The following ABCC2 variants were observed in gnomAD, a reference collection of about 807,000 sequenced individuals.
ABCC2 encodes ATP-binding cassette sub-family C member 2.
A neutral mutation model predicts 173.4 loss-of-function variants in ABCC2; 157 were observed. The observed-to-expected ratio is 0.91, with a 90% CI of 0.80 to 1.03. ABCC2 has a LOEUF of 1.03. ABCC2 is among the 50% of genes least tolerant of loss of function. The pLI, the probability that ABCC2 is intolerant of heterozygous loss-of-function variation, is 0.00. For synonymous variants in ABCC2, 657 were observed against 693.5 expected, an observed-to-expected ratio of 0.95 and a Z score of 0.83; for missense variants, 1,822 against 1,852.3, an observed-to-expected ratio of 0.98 and a Z score of 0.30.
chr10:99,826,929 TG>T (rs903211443), intron 19 of ABCC2, among the ~76,000 whole-genome samples: 9 of 151,746 alleles, frequency 5.9e-5, no homozygotes, highest in Non-Finnish European at 7.4e-5. Context: ...CTCTCCCTCT[TG>T]GGCTCCTTCT....
chr10:99,808,266 G>C (rs746376493), intron 13 of ABCC2, 37 bp downstream of exon 13: 29 of 1,612,044 alleles, frequency 1.8e-5, no homozygotes, highest in African/African-American at 4.0e-5. Flanking sequence ...CCCTGTCTCT[G>C]GTTAAAAGCC....
rs147056776 is a variant in ABCC2, at chr10:99,801,648, T to C, written c.1209+1085T>C. Among the ~76,000 whole-genome samples, 137 of 152,376 alleles carry C rather than the reference T, an allele frequency of 9.0e-4. 1 individual carries two copies. The highest frequency in any genetic ancestry group is 3.4e-3 in the Middle Eastern group (1 of 294). The stretch of plus-strand genomic sequence containing the variant: ...TTAAGAAATGAAAATACAGTAGTTA[T>C]GATCAGTGACTACAGGCTTGAGGAG... On this transcript the variant is annotated intron_variant, in intron 9 of 31. Transcript: ENST00000647814.
chr10:99,841,409 G>T (rs1217970012), intron 25 of ABCC2, among the ~76,000 whole-genome samples: 1 of 152,080 alleles, frequency 6.6e-6, no homozygotes, highest in African/African-American at 2.4e-5. Flanking sequence ...AAAAAAATTA[G>T]CTGGGTGTAG....
intron 13 of ABCC2, among the ~76,000 whole-genome samples, chr10:99,808,568 G>A (rs949480331): frequency 1.3e-5 from 2 of 152,112 alleles, no homozygotes; most frequent in Admixed American, 6.5e-5. Context: ...CTCTTGAGGT[G>A]TTGAGATAGC....
At chr10:99,839,098 C>A (rs2038883876) in intron 25 of ABCC2, among the ~76,000 whole-genome samples, 1 of 144,418 alleles carries the variant, frequency 6.9e-6, no homozygotes, top group Non-Finnish European at 1.5e-5. Flanking sequence ...AGACCCCCCC[C>A]CCACCTCCCT....
chr10:99,814,325 G>A (rs555610573), intron 16 of ABCC2, among the ~76,000 whole-genome samples: 2 of 138,666 alleles, frequency 1.4e-5, no homozygotes, highest in East Asian at 4.5e-4. Flanking sequence ...ACACACGTAT[G>A]TATACACACA....
At chr10:99,832,230 C>T in intron 23 of ABCC2, 99 bp downstream of exon 23, 1 of 1,476,584 alleles carries the variant, frequency 6.8e-7, no homozygotes, top group African/African-American at 1.4e-5. Flanking sequence ...CTGTTCAGTT[C>T]CAGTTCTTTT....
At chr10:99,844,503 G>A (rs1246945705) in intron 28 of ABCC2, 38 bp downstream of exon 28, 1 of 1,607,698 alleles carries the variant, frequency 6.2e-7, no homozygotes, top group Admixed American at 1.7e-5. Flanking sequence ...GGGAGGCCTT[G>A]TGATCAAACA....
At chr10:99,846,603 G>A (rs2039020597) in intron 29 of ABCC2, among the ~76,000 whole-genome samples, 4 of 152,210 alleles carry the variant, frequency 2.6e-5, no homozygotes, top group Admixed American at 2.6e-4. Flanking sequence ...GCCAGGCATC[G>A]TGGTGCGTGC....
At chr10:99,851,408 G>T in intron 31 of ABCC2, 94 bp from the exon 32 acceptor site, 6 of 1,460,888 alleles carry the variant, frequency 4.1e-6, no homozygotes, top group Non-Finnish European at 4.8e-6. Flanking sequence ...AGCCTTGTCT[G>T]ACTATACCAC....
intron 19 of ABCC2, among the ~76,000 whole-genome samples, chr10:99,829,931 G>A (rs112121850): frequency 1.4e-3 from 218 of 152,316 alleles, no homozygotes; most frequent in African/African-American, 4.8e-3. Flanking sequence ...TGGCCAAGAT[G>A]AGCATTTTCA....
chr10:99,841,884 G>A, intron 25 of ABCC2, 83 bp from the exon 26 acceptor site: 1 of 1,603,478 alleles, frequency 6.2e-7, no homozygotes, highest in Admixed American at 1.7e-5. Context: ...AACCCTCTGA[G>A]AATGTTCTGT....
At chr10:99,811,641 T>C in intron 15 of ABCC2, 39 bp downstream of exon 15, 1 of 1,605,724 alleles carries the variant, frequency 6.2e-7, no homozygotes, top group South Asian at 1.1e-5. Context: ...TCTTTAGCAT[T>C]CTCACTGCCT....
In ABCC2 at chr10:99,814,211, ATGTG is replaced by A. The variant is rs34382900; in HGVS notation, c.2094+1069_2094+1072del. ...TACACACATGTGTATATATACACAC[ATGTG>A]TATATATACACACATGTGTATATAT... On this transcript the variant is annotated intron_variant, in intron 16 of 31. Transcript: ENST00000647814. Among the ~76,000 whole-genome samples, 2 of 49,184 alleles carry A rather than the reference ATGTG, an allele frequency of 4.1e-5. 1 individual carries two copies. The highest frequency in any genetic ancestry group is 1.8e-4 in the African/African-American group (2 of 10,852). 32.3% of individuals were successfully genotyped at this position (49,184 alleles called of 152,430 possible). A position where few individuals can be genotyped will look rare whatever the true frequency, so the allele number is the denominator to read the frequency against.
At chr10:99,812,227 A>G (rs1168276520) in intron 15 of ABCC2, among the ~76,000 whole-genome samples, 1 of 152,194 alleles carries the variant, frequency 6.6e-6, no homozygotes, top group Non-Finnish European at 1.5e-5. Context: ...CTCCAGAGCT[A>G]GCCCCAGGAT....
In ABCC2 at chr10:99,830,819, CTAAT is replaced by C. The variant is rs1554853026; in HGVS notation, c.2855_2858del (p.Ile952ArgfsTer5). 6.2e-7 allele frequency: 1 copy of C among 1,614,024 alleles called. No homozygotes were observed. Among genetic ancestry groups the C allele is most frequent in the Non-Finnish European group, 8.5e-7 (1 of 1,179,996 alleles). Reference sequence around the variant, plus strand: ...CGAAGAACTAGTGAAAGGACAAAAACTAATTAAGAAGGAATTCATAGAAACTGGA... The same window carrying C: ...CGAAGAACTAGTGAAAGGACAAAAACTAAGAAGGAATTCATAGAAACTGGA... On this transcript the variant is annotated frameshift_variant, in exon 21 of 32. Coordinates refer to ENST00000647814, the MANE Select transcript of ABCC2 (RefSeq NM_000392.5). LOFTEE classifies it high-confidence loss of function.
chr10:99,793,101 T>C (rs889266057), intron 3 of ABCC2, among the ~76,000 whole-genome samples: 8 of 152,204 alleles, frequency 5.3e-5, no homozygotes, highest in African/African-American at 1.9e-4. Flanking sequence ...TTATATCTAA[T>C]GTGAGATGGT....
In ABCC2 at chr10:99,814,256, T is replaced by TACACACATGTGTATATATAC. The variant is rs370114104; in HGVS notation, c.2094+1118_2094+1119insATGTGTATATATACACACAC. On this transcript the variant is annotated intron_variant, in intron 16 of 31. Coordinates refer to ENST00000647814, the MANE Select transcript of ABCC2 (RefSeq NM_000392.5). ...GTGTATATATGCACACACGTATGTA[T>TACACACATGTGTATATATAC]ACACACGTATGTATACACACGTATG... Among the ~76,000 whole-genome samples the TACACACATGTGTATATATAC allele has an allele frequency of 1.7e-4, 6 of 34,908 alleles. 1 individual carries two copies. Among genetic ancestry groups the TACACACATGTGTATATATAC allele is most frequent in the Non-Finnish European group, 2.9e-4 (5 of 17,430 alleles). The allele number at this position is 34,908 out of a possible 152,430, so 22.9% of individuals were successfully genotyped here. A position where few individuals can be genotyped will look rare whatever the true frequency, so the allele number is the denominator to read the frequency against.
At chr10:99,798,155 A>T (rs2037953623) in intron 7 of ABCC2, 1 of 152,290 alleles carries the variant, frequency 6.6e-6, no homozygotes. Context: ...ATGAGACTGG[A>T]TTCATGCTGT....
Sources: allele counts gnomAD v4.1 joint callset (sites outside exome capture counted in the v4.1 genomes callset), GRCh38; gene constraint gnomAD v4.1.1; transcripts MANE v1.5; gene names NCBI Gene and HGNC (gene_info 2026-07-23, HGNC 2026-07-21).